The following SUPT3H variants were observed in gnomAD, a reference collection of about 807,000 sequenced individuals.
The protein encoded by SUPT3H is SPT3 homolog, SAGA and STAGA complex component.
A neutral mutation model predicts 44.3 loss-of-function variants in SUPT3H; 44 were observed. The observed-to-expected ratio is 0.99, with a 90% CI of 0.78 to 1.28. SUPT3H has a LOEUF of 1.28. SUPT3H is among the 50% of genes most tolerant of loss of function. The pLI, the probability that SUPT3H is intolerant of heterozygous loss-of-function variation, is 0.00. For synonymous variants in SUPT3H, 124 were observed against 125.6 expected (o/e 0.99, Z 0.09); for missense variants, 380 against 387.1 (o/e 0.98, Z 0.15).
intron 11 of SUPT3H, among the ~76,000 whole-genome samples, chr6:44,812,715 T>C (rs535583621): frequency 7.2e-4 from 110 of 152,308 alleles, no homozygotes; most frequent in Non-Finnish European, 1.3e-3. Flanking sequence ...TCTCTTTTTT[T>C]CTCACGAAAT....
intron 3 of SUPT3H, among the ~76,000 whole-genome samples, chr6:45,024,328 T>G (rs1177232134): frequency 6.6e-6 from 1 of 152,104 alleles, no homozygotes; most frequent in Non-Finnish European, 1.5e-5. Context: ...TCCATGACAT[T>G]CATTTTTTTT....
chr6:45,210,788 AC>A (rs1450710666), intron 2 of SUPT3H, among the ~76,000 whole-genome samples: 2 of 152,208 alleles, frequency 1.3e-5, no homozygotes, highest in African/African-American at 4.8e-5. Context: ...TTTTATAAGC[AC>A]CAGGCAATCA....
chr6:45,223,110 T>C (rs1481102164), intron 2 of SUPT3H, among the ~76,000 whole-genome samples: 2 of 152,056 alleles, frequency 1.3e-5, no homozygotes, highest in Non-Finnish European at 2.9e-5. Flanking sequence ...TTCATGGTAA[T>C]AGAACTGTTA....
At chr6:45,346,823 C>CG (rs768103911) in intron 2 of SUPT3H, among the ~76,000 whole-genome samples, 1 of 152,174 alleles carries the variant, frequency 6.6e-6, no homozygotes, top group South Asian at 2.1e-4. Context: ...CCTTGGCCCC[C>CG]CAAAGTGCTA....
At chr6:45,059,731 C>A (rs1239379490) in intron 3 of SUPT3H, among the ~76,000 whole-genome samples, 1 of 152,100 alleles carries the variant, frequency 6.6e-6, no homozygotes, top group African/African-American at 2.4e-5. Flanking sequence ...TAAGCAACTT[C>A]AGCAAATTCT....
At chr6:45,234,543 A>AAAAAG (rs1562756734) in intron 2 of SUPT3H, among the ~76,000 whole-genome samples, 42 of 148,242 alleles carry the variant, frequency 2.8e-4, no homozygotes, top group African/African-American at 5.2e-4. Flanking sequence ...AAAAAAAAAA[A>AAAAAG]AAAAGAAAAG....
chr6:44,818,000 A>G (rs895552182), intron 11 of SUPT3H, among the ~76,000 whole-genome samples: 7 of 152,172 alleles, frequency 4.6e-5, no homozygotes, highest in Non-Finnish European at 1.0e-4. Context: ...AAAATATGCA[A>G]AGCAATTTTG....
intron 2 of SUPT3H, among the ~76,000 whole-genome samples, chr6:45,176,116 G>A (rs982842357): frequency 6.0e-5 from 9 of 150,598 alleles, no homozygotes; most frequent in Non-Finnish European, 7.4e-5. Flanking sequence ...AGCTCCCAGC[G>A]TGAGCGACGC....
intron 10 of SUPT3H, among the ~76,000 whole-genome samples, chr6:44,905,379 CAAAAG>C (rs1765838558): frequency 6.6e-6 from 1 of 151,444 alleles, no homozygotes; most frequent in South Asian, 2.1e-4. Context: ...AGACACTTCT[CAAAAG>C]AAGACATTTA....
At chr6:45,361,382 T>C (rs569402472) in intron 2 of SUPT3H, among the ~76,000 whole-genome samples, 1 of 152,238 alleles carries the variant, frequency 6.6e-6, no homozygotes, top group African/African-American at 2.4e-5. Context: ...AAATCTGGCA[T>C]CATTATCATC....
At chr6:45,311,224 AAAAAG>A (rs1783898012) in intron 2 of SUPT3H, among the ~76,000 whole-genome samples, 1 of 152,204 alleles carries the variant, frequency 6.6e-6, no homozygotes, top group South Asian at 2.1e-4. Flanking sequence ...TCCAACAAAG[AAAAAG>A]AAAACAGAAT....
intron 2 of SUPT3H, among the ~76,000 whole-genome samples, chr6:45,309,471 T>C (rs1307908337): frequency 6.6e-6 from 1 of 151,274 alleles, no homozygotes; most frequent in Non-Finnish European, 1.5e-5. Flanking sequence ...AAAAAAAAAC[T>C]ATGTAACTGA....
At chr6:45,000,929 T>G (rs898685876) in intron 6 of SUPT3H, among the ~76,000 whole-genome samples, 2 of 152,046 alleles carry the variant, frequency 1.3e-5, no homozygotes, top group African/African-American at 4.8e-5. Context: ...CTTTACAAAC[T>G]TAGGGGCTTA....
intron 2 of SUPT3H, among the ~76,000 whole-genome samples, chr6:45,175,262 C>A (rs1375153047): frequency 6.6e-6 from 1 of 152,082 alleles, no homozygotes; most frequent in African/African-American, 2.4e-5. Flanking sequence ...CTACAAAAAA[C>A]TGCCCGAGAC....
At chr6:45,369,710 GT>G (rs1481675174) in intron 1 of SUPT3H, among the ~76,000 whole-genome samples, 1 of 152,096 alleles carries the variant, frequency 6.6e-6, no homozygotes, top group African/African-American at 2.4e-5. Context: ...GCCAAACACC[GT>G]TCTAAGAGGT....
chr6:44,905,481 C>T (rs1468773459), intron 10 of SUPT3H, among the ~76,000 whole-genome samples: 2 of 150,578 alleles, frequency 1.3e-5, no homozygotes, highest in African/African-American at 2.5e-5. Context: ...TACCATCTCA[C>T]ACCAGTTAGA....
chr6:45,005,594 G>A (rs372266922), intron 5 of SUPT3H, among the ~76,000 whole-genome samples: 2 of 151,718 alleles, frequency 1.3e-5, no homozygotes, highest in African/African-American at 2.4e-5. Context: ...ACAGCTACTC[G>A]GGAGGCTGAG....
chr6:44,896,307 T>C (rs545863818), intron 10 of SUPT3H, among the ~76,000 whole-genome samples: 1 of 152,266 alleles, frequency 6.6e-6, no homozygotes, highest in East Asian at 1.9e-4. Context: ...TGCAAAATCA[T>C]CATCATCATT....
intron 2 of SUPT3H, among the ~76,000 whole-genome samples, chr6:45,229,495 A>G (rs1057444544): frequency 3.9e-5 from 6 of 152,184 alleles, no homozygotes; most frequent in African/African-American, 1.4e-4. Context: ...CTGAGTACTT[A>G]TTACATTCCA....
Sources: allele counts gnomAD v4.1 joint callset (sites outside exome capture counted in the v4.1 genomes callset), GRCh38; gene constraint gnomAD v4.1.1; transcripts MANE v1.5; gene names NCBI Gene and HGNC (gene_info 2026-07-23, HGNC 2026-07-21).